The following PGGHG variants were observed in gnomAD, a reference collection of about 807,000 sequenced individuals.
PGGHG encodes the protein protein-glucosylgalactosylhydroxylysine glucosidase.
Under a neutral mutation model 74.5 loss-of-function variants are expected in PGGHG, and 67 were observed. The observed-to-expected ratio is 0.90, with a 90% CI of 0.74 to 1.10. The LOEUF (loss-of-function observed/expected upper bound fraction) is 1.10. Among genes scored for constraint, PGGHG ranks in the 50% least tolerant of loss-of-function variants. PGGHG has a pLI of 0.00. For synonymous variants in PGGHG, 496 were observed against 419.9 expected (o/e 1.18, Z -2.21); for missense variants, 1,034 against 981.5 (o/e 1.05, Z -0.72).
At chr11:290,270 CAGCCG>C in intron 2 of PGGHG, 115 bp from the exon 3 acceptor site, 17 of 1,358,422 alleles carry the variant, frequency 1.3e-5, no homozygotes, top group Non-Finnish European at 1.7e-5. Context: ...CGGGAACGAG[CAGCCG>C]AGGGCCCAGA....
chr11:293,570 C>T (rs773683111), intron 9 of PGGHG, 24 bp from the exon 10 acceptor site: 1 of 1,613,292 alleles, frequency 6.2e-7, no homozygotes, highest in East Asian at 2.2e-5. Context: ...GGAACACCTT[C>T]CAGTCAGCGG....
At position 294,736 on chromosome 11, in the gene PGGHG, C is replaced by T. The variant is rs547607960; in HGVS notation, c.2201C>T (p.Pro734Leu). ...SSPTESLTVDPASE is the reference protein window; with the variant it reads ...SSPTESLTVDLASE ...CCCACCGAGTCACTCACTGTGGACCCTGCCTCTGAATAATCAGGAACGGTG... is the reference window on the plus strand; with the variant it reads ...CCCACCGAGTCACTCACTGTGGACCTTGCCTCTGAATAATCAGGAACGGTG... The change falls in exon 14 of 14, where the codon CCT (proline) becomes CTT (leucine). Residue 734 changes from proline to leucine, a missense_variant. Coordinates refer to ENST00000409548, the MANE Select transcript of PGGHG (RefSeq NM_025092.5). 1.0e-5 allele frequency: 16 copies of T among 1,600,792 alleles called. No homozygotes were observed. In the African/African-American group the frequency reaches 2.0e-4, roughly 20 times the overall value.
At position 292,617 on chromosome 11, in the gene PGGHG, G is replaced by A. The variant is rs1393762478; in HGVS notation, c.1098G>A (p.Gln366=). 3.7e-6 allele frequency: 6 copies of A among 1,613,652 alleles called. No homozygotes were observed. The highest frequency in any genetic ancestry group is 2.2e-5 in the East Asian group (1 of 44,890). ...EVCPEDIYGV[Q]EVHVNGAVVL... is the part of the protein sequence containing the mutation. ...GCCCTGAGGACATTTACGGAGTCCAGGAGGTCCACGTCAACGGGGCCGTGG... is the reference window on the plus strand; with the variant it reads ...GCCCTGAGGACATTTACGGAGTCCAAGAGGTCCACGTCAACGGGGCCGTGG... The change falls in exon 6 of 14, where the codon CAG becomes CAA. Residue 366 remains glutamine, a synonymous_variant. Coordinates refer to ENST00000409548, the MANE Select transcript of PGGHG (RefSeq NM_025092.5).
At position 291,081 on chromosome 11, in the gene PGGHG, G is replaced by A; in HGVS notation, c.874G>A (p.Glu292Lys). 5 of 1,600,172 alleles carry A rather than the reference G, an allele frequency of 3.1e-6. No homozygotes were observed. Among genetic ancestry groups the A allele is most frequent in the Non-Finnish European group, 3.4e-6 (4 of 1,171,394 alleles). ...GGGCCTCTCCAATGGGAGCCGTGAG[G>A]AATGCTACTGGGGCCACGTCTTCTG... ...PGGLSNGSRE[E>K]CYWGHVFWDQ... The change falls in exon 4 of 14, where the codon GAA (glutamate) becomes AAA (lysine). Residue 292 changes from glutamate (E) to lysine (K), a missense_variant. Glu to Lys is a moderately conservative substitution (Grantham distance 56). Transcript: ENST00000409548.
chr11:291,362 G>A (rs1255186935), intron 4 of PGGHG: 6 of 489,240 alleles, frequency 1.2e-5, no homozygotes, highest in Middle Eastern at 5.2e-4. Flanking sequence ...CCACCAAGGC[G>A]AGAAGGGCTG....
At position 294,719 on chromosome 11, in the gene PGGHG, G is replaced by C. The variant is rs754484255; in HGVS notation, c.2184G>C (p.Glu728Asp). 1 of 1,609,268 alleles carries C rather than the reference G, an allele frequency of 6.2e-7. No homozygotes were observed. The highest frequency in any genetic ancestry group is 1.7e-5 in the Admixed American group (1 of 59,050). Residue 728 changes from glutamate (E) to aspartate (D), a missense_variant, in exon 14 of 14, where the codon GAG (glutamate) becomes GAC (aspartate). Transcript: ENST00000409548. ...WVTLGSSSPT[E>D]SLTVDPASE ...CCCTGGGTTCCTCCAGCCCCACCGA[G>C]TCACTCACTGTGGACCCTGCCTCTG... is the stretch of plus-strand genomic sequence containing the variant.
chr11:291,763 C>T (rs1337110939), intron 4 of PGGHG: 27 of 613,038 alleles, frequency 4.4e-5, no homozygotes, highest in Middle Eastern at 4.7e-4. Context: ...GCTGGGGAGG[C>T]GAAGTGTGGG....
rs1748424727 is a variant in PGGHG, at chr11:289,490, G to C, written c.-14+251G>C. 1 of 310,734 alleles carries C rather than the reference G, an allele frequency of 3.2e-6. No individual in the cohort carries two copies. The highest frequency in any genetic ancestry group is 6.0e-6 in the Non-Finnish European group (1 of 166,028). 19.2% of individuals were successfully genotyped at this position (310,734 alleles called of 1,614,324 possible). A position where few individuals can be genotyped will look rare whatever the true frequency, so the allele number is the denominator to read the frequency against. The stretch of plus-strand genomic sequence containing the variant: ...GCAGGTCCCGACCACAGAGGGTGGG[G>C]GCAAGACCGGGGTTGTGGGGGGTGC... On this transcript the variant is annotated intron_variant, in intron 1 of 13. Transcript: ENST00000409548. The surrounding 1 kb of genome is among the most constrained non-coding windows in gnomAD (Gnocchi z 5.6).
chr11:291,561 C>T, intron 4 of PGGHG: 1 of 256,906 alleles, frequency 3.9e-6, no homozygotes, highest in South Asian at 5.6e-5. Context: ...AGCGGAGGGG[C>T]ATGATGGCTG....
chr11:294,190 G>T lies in PGGHG; in HGVS notation c.1802G>T (p.Gly601Val). ...FLQAVVFGCT[G>V]FRVTRAGVTF... ...CAGGCGGTGGTCTTCGGGTGCACGG[G>T]GTTCAGGTAAGTGCAGAGGCTGGCA... The change falls in exon 12 of 14, where the codon GGG becomes GTG. Residue 601 changes from glycine to valine, a missense_variant. Physicochemically the swap from Gly to Val is moderately radical, Grantham distance 109 (BLOSUM62 -3). Transcript: ENST00000409548. The T allele has an allele frequency of 6.2e-7, 1 of 1,610,050 alleles. No individual in the cohort carries two copies. The highest frequency in any genetic ancestry group is 1.1e-5 in the South Asian group (1 of 90,516).
At position 290,018 on chromosome 11, in the gene PGGHG, GC is replaced by G; in HGVS notation, c.206del (p.Pro69LeufsTer8). Reference protein sequence around the residue: ...LPSPLNVRLEAPAGMGEQLTE... With the variant: ...LPSPLNVRLEXPAGMGEQLTE... ...CAGCCCCCTCAACGTCCGGCTGGAGGCCCCTGCAGGGATGGGGGAGCAGCTG... is the reference window on the plus strand; with the variant it reads ...CAGCCCCCTCAACGTCCGGCTGGAGGCCCTGCAGGGATGGGGGAGCAGCTG... On this transcript the variant is annotated frameshift_variant, in exon 2 of 14. Coordinates refer to ENST00000409548, the MANE Select transcript of PGGHG (RefSeq NM_025092.5). LOFTEE classifies it high-confidence loss of function. 6.5e-7 allele frequency: 1 copy of G among 1,546,366 alleles called. No individual in the cohort carries two copies. The highest frequency in any genetic ancestry group is 8.7e-7 in the Non-Finnish European group (1 of 1,146,656).
intron 7 of PGGHG, 30 bp downstream of exon 7, chr11:293,027 AG>A: frequency 4.3e-6 from 7 of 1,613,690 alleles, no homozygotes; most frequent in Non-Finnish European, 5.9e-6. Flanking sequence ...GGGCTCGGGG[AG>A]GAAGGGTGGA....
Position 295,704 on chromosome 11 carries a change from C to T in PGGHG, c.*955C>T, listed in dbSNP as rs538257073. 6.6e-6 allele frequency: 1 copy of T among 152,540 alleles called. No homozygotes were observed. The highest frequency in any genetic ancestry group is 2.4e-5 in the African/African-American group (1 of 41,598). 9.4% of individuals were successfully genotyped at this position (152,540 alleles called of 1,614,324 possible). On this transcript the variant is annotated 3_prime_UTR_variant, in exon 14 of 14. Coordinates refer to ENST00000409548, the MANE Select transcript of PGGHG (RefSeq NM_025092.5). ...ATTCCTCTGAGGAGCCGCTGTGCTT[C>T]CTTCTGAAGTGAGGGCCGTGCCCCG...
At chr11:293,751 T>A (rs1412216565) in intron 10 of PGGHG, 24 bp downstream of exon 10, 1 of 1,613,038 alleles carries the variant, frequency 6.2e-7, no homozygotes, top group Admixed American at 1.7e-5. Context: ...GGCTGTGGAG[T>A]TCCTACCCCA....
At chr11:292,185 C>T (rs907251859) in intron 5 of PGGHG, 90 bp downstream of exon 5, 9 of 1,426,780 alleles carry the variant, frequency 6.3e-6, no homozygotes, top group Non-Finnish European at 8.3e-6. Context: ...TCCCCAGGCC[C>T]CCTCTGGACA....
Position 290,704 on chromosome 11 carries a change from C to A in PGGHG, c.497C>A (p.Pro166His), listed in dbSNP as rs1240697755. The A allele has an allele frequency of 3.1e-6, 5 of 1,603,970 alleles. No individual in the cohort carries two copies. The highest frequency in any genetic ancestry group is 4.5e-5 in the East Asian group (2 of 44,710). Residue 166 changes from proline to histidine, a missense_variant, in exon 4 of 14, where the codon CCT becomes CAT. Physicochemically the swap from Pro to His is moderately conservative, Grantham distance 77. Transcript: ENST00000409548. ...ARYLYGHTLT[P>H]EQPGGPQQEV... is the part of the protein sequence containing the mutation. ...TACCTGTATGGCCACACCCTCACCC[C>A]TGAGCAGCCCGGGGGGCCACAGCAA... is the stretch of plus-strand genomic sequence containing the variant.
chr11:289,480 A>C lies in PGGHG; in HGVS notation c.-14+241A>C. ...ACCAACAGACGCAGGTCCCGACCACAGAGGGTGGGGGCAAGACCGGGGTTG... is the reference window on the plus strand; with the variant it reads ...ACCAACAGACGCAGGTCCCGACCACCGAGGGTGGGGGCAAGACCGGGGTTG... On this transcript the variant is annotated intron_variant, in intron 1 of 13. Transcript: ENST00000409548. This position sits in a 1 kb window ranked among gnomAD's most constrained non-coding sequence, Gnocchi z 5.6. The C allele has an allele frequency of 4.8e-6, 1 of 210,070 alleles. No homozygotes were observed. Among genetic ancestry groups the C allele is most frequent in the Non-Finnish European group, 9.6e-6 (1 of 103,986 alleles). The allele number at this position is 210,070 out of a possible 1,614,324, so 13.0% of individuals were successfully genotyped here. A position where few individuals can be genotyped will look rare whatever the true frequency, so the allele number is the denominator to read the frequency against.
rs935027910 is a variant in PGGHG at position 295,726 on chromosome 11, C to T, written c.*977C>T. Reference sequence around the variant, plus strand: ...CTTCCTTCTGAAGTGAGGGCCGTGCCCCGGGTCCCATTTCTCCTTTCACTT... The same window carrying T: ...CTTCCTTCTGAAGTGAGGGCCGTGCTCCGGGTCCCATTTCTCCTTTCACTT... On this transcript the variant is annotated 3_prime_UTR_variant, in exon 14 of 14. Transcript: ENST00000409548. The T allele has an allele frequency of 3.3e-5, 5 of 152,320 alleles. No individual in the cohort carries two copies. The highest frequency in any genetic ancestry group is 9.6e-5 in the African/African-American group (4 of 41,462). The allele number at this position is 152,320 out of a possible 1,614,324, so 9.4% of individuals were successfully genotyped here. A position where few individuals can be genotyped will look rare whatever the true frequency, so the allele number is the denominator to read the frequency against.
Position 293,403 on chromosome 11 carries a change from C to T in PGGHG, c.1381C>T (p.Leu461Phe), listed in dbSNP as rs1845785719. The change falls in exon 9 of 14, where the codon CTT (leucine) becomes TTT (phenylalanine). Residue 461 changes from leucine to phenylalanine, a missense_variant. Transcript: ENST00000409548. ...TGCTGCCCTGGCCCAGGACCTGGGT[C>T]TTCCCATCCCCAGCCAGTGGCTGGC... ...FAAALAQDLG[L>F]PIPSQWLAVA... is the part of the protein sequence containing the mutation. The T allele has an allele frequency of 6.2e-7, 1 of 1,612,626 alleles. No homozygotes were observed. The highest frequency in any genetic ancestry group is 8.5e-7 in the Non-Finnish European group (1 of 1,179,976).
Sources: gnomAD v4.1 joint callset for allele counts on GRCh38, gnomAD v4.1.1 for gene constraint, Gnocchi (gnomAD v3.1) non-coding constraint, MANE v1.5 for transcripts, NCBI Gene and HGNC (gene_info 2026-07-23, HGNC 2026-07-21) for gene names.